The following DAB1 variants were observed in gnomAD, a reference collection of about 807,000 sequenced individuals.
DAB1 encodes disabled homolog 1.
Under a neutral mutation model 64.6 loss-of-function variants are expected in DAB1, and 15 were observed. The observed-to-expected ratio is 0.23, with a 90% CI of 0.16 to 0.36. DAB1 has a LOEUF of 0.36. Ranked by LOEUF, DAB1 falls within the 10% of genes least tolerant of loss-of-function variation. The probability of loss-of-function intolerance (pLI) is 1.00; values close to 1 mark genes in which losing one functional copy is unlikely to be tolerated. For synonymous variants in DAB1, 235 were observed against 251.9 expected (o/e 0.93, Z 0.64); for missense variants, 596 against 706.7 (o/e 0.84, Z 1.78).
At chr1:57,457,164 T>C (rs1349458401) in intron 7 of DAB1, among the ~76,000 whole-genome samples, 1 of 152,102 alleles carries the variant, frequency 6.6e-6, no homozygotes, top group South Asian at 2.1e-4. Context: ...TATCAGAGTA[T>C]CAGAGACCCT....
At chr1:57,708,460 C>T (rs1646992187) in intron 6 of DAB1, among the ~76,000 whole-genome samples, 1 of 152,242 alleles carries the variant, frequency 6.6e-6, no homozygotes, top group Non-Finnish European at 1.5e-5. Context: ...TGGTGTTGCA[C>T]TGAGTTGCAC....
intron 6 of DAB1, among the ~76,000 whole-genome samples, chr1:57,732,491 T>C (rs1376300035): frequency 6.6e-6 from 1 of 152,000 alleles, no homozygotes; most frequent in African/African-American, 2.4e-5. Context: ...CTGGAGAGAG[T>C]ACTCTTGATT....
chr1:57,566,010 G>T (rs1454123295), intron 7 of DAB1, among the ~76,000 whole-genome samples: 2 of 152,124 alleles, frequency 1.3e-5, no homozygotes, highest in African/African-American at 4.8e-5. Context: ...TTCCAAAATT[G>T]ACCACATATT....
chr1:57,782,132 C>A (rs760147211), intron 6 of DAB1, among the ~76,000 whole-genome samples: 1 of 149,728 alleles, frequency 6.7e-6, no homozygotes, highest in Non-Finnish European at 1.5e-5. Context: ...GGTTATTAAT[C>A]CAACTCCTAC....
chr1:58,303,141 G>A (rs76717275), intron 4 of DAB1, among the ~76,000 whole-genome samples: 107 of 152,254 alleles, frequency 7.0e-4, no homozygotes, highest in African/African-American at 2.6e-3. Context: ...GCTTTCATCT[G>A]ATGCCTTCTA....
At position 57,316,624 on chromosome 1, in the gene DAB1, G is replaced by GA. The variant is rs558706471; in HGVS notation, c.-136-25459dup. On this transcript the variant is annotated intron_variant, in intron 1 of 14. Coordinates refer to ENST00000371236, the MANE Select transcript of DAB1 (RefSeq NM_001365792.1). ...AGCCTCTGCTCGGATGTCTCAAAAA[G>GA]AAAAAAAAGAAAAAAATAAAAAGCA... Among the ~76,000 whole-genome samples the GA allele has an allele frequency of 4.9e-3, 742 of 150,968 alleles. 7 individuals are homozygous for GA. Among genetic ancestry groups the GA allele is most frequent in the Non-Finnish European group, 8.1e-3 (550 of 67,672 alleles).
chr1:57,370,142 T>C (rs1057502154), intron 1 of DAB1, among the ~76,000 whole-genome samples: 1 of 152,222 alleles, frequency 6.6e-6, no homozygotes, highest in Non-Finnish European at 1.5e-5. Flanking sequence ...ACAGGCATTG[T>C]CTGCTTGTTT....
At chr1:57,669,704 T>C (rs1034557447) in intron 6 of DAB1, among the ~76,000 whole-genome samples, 20 of 152,184 alleles carry the variant, frequency 1.3e-4, no homozygotes, top group Admixed American at 1.3e-3. Context: ...ATACAAGATA[T>C]GATTTCTGTA....
At chr1:57,966,434 C>G (rs548351460) in intron 5 of DAB1, among the ~76,000 whole-genome samples, 1 of 152,192 alleles carries the variant, frequency 6.6e-6, no homozygotes, top group East Asian at 1.9e-4. Flanking sequence ...TGGGGAAGAA[C>G]TGAGGCACCC....
intron 1 of DAB1, among the ~76,000 whole-genome samples, chr1:57,297,353 T>G (rs1433082961): frequency 2.0e-5 from 3 of 152,250 alleles, no homozygotes; most frequent in East Asian, 1.9e-4. Flanking sequence ...AATGGTAAAT[T>G]TATTTAACTT....
intron 2 of DAB1, among the ~76,000 whole-genome samples, chr1:57,236,717 A>G (rs1049769355): frequency 6.6e-6 from 1 of 152,190 alleles, no homozygotes; most frequent in Non-Finnish European, 1.5e-5. Flanking sequence ...GATATATGAG[A>G]GTAGAACACA....
intron 2 of DAB1, among the ~76,000 whole-genome samples, chr1:57,177,765 G>T (rs1037770764): frequency 1.3e-5 from 2 of 152,002 alleles, no homozygotes; most frequent in Non-Finnish European, 2.9e-5. Context: ...CAAAGTACAG[G>T]CCATTTCTAG....
At chr1:57,577,900 A>G (rs1645268884) in intron 7 of DAB1, among the ~76,000 whole-genome samples, 1 of 152,156 alleles carries the variant, frequency 6.6e-6, no homozygotes, top group East Asian at 1.9e-4. Flanking sequence ...CATGACCTGA[A>G]AATGTGCTCC....
chr1:57,748,426 G>A (rs1222714534), intron 6 of DAB1, among the ~76,000 whole-genome samples: 1 of 152,100 alleles, frequency 6.6e-6, no homozygotes, highest in Non-Finnish European at 1.5e-5. Context: ...ATTATTACAT[G>A]CCTTATAGAG....
At chr1:57,091,583 C>A (rs1653684060) in intron 4 of DAB1, among the ~76,000 whole-genome samples, 2 of 152,260 alleles carry the variant, frequency 1.3e-5, no homozygotes, top group South Asian at 4.1e-4. Flanking sequence ...GAAGTTCATG[C>A]TTTTTCTATA....
intron 4 of DAB1, among the ~76,000 whole-genome samples, chr1:58,299,980 C>A (rs1280325928): frequency 6.6e-6 from 1 of 152,182 alleles, no homozygotes; most frequent in Non-Finnish European, 1.5e-5. Flanking sequence ...GCCTTCCTGT[C>A]TCTCCCATGA....
At chr1:57,909,096 G>T (rs1644602227) in intron 5 of DAB1, among the ~76,000 whole-genome samples, 1 of 152,188 alleles carries the variant, frequency 6.6e-6, no homozygotes, top group Non-Finnish European at 1.5e-5. Context: ...ACAGGTATCT[G>T]GTGGCCATGA....
intron 3 of DAB1, among the ~76,000 whole-genome samples, chr1:58,439,673 C>G (rs1644986082): frequency 6.6e-6 from 1 of 152,128 alleles, no homozygotes; most frequent in Non-Finnish European, 1.5e-5. Flanking sequence ...ACAAATGAGG[C>G]ACAGAGAGAC....
At chr1:57,417,469 C>T (rs994698643) in intron 1 of DAB1, among the ~76,000 whole-genome samples, 2 of 152,154 alleles carry the variant, frequency 1.3e-5, no homozygotes, top group African/African-American at 4.8e-5. Flanking sequence ...TGATTCTCTA[C>T]ATTTTTCCCA....
Sources: gnomAD v4.1 joint callset for allele counts (sites outside exome capture counted in the v4.1 genomes callset) on GRCh38, gnomAD v4.1.1 for gene constraint, MANE v1.5 for transcripts, NCBI Gene and HGNC (gene_info 2026-07-23, HGNC 2026-07-21) for gene names.